Variants in DCDC1 observed in about 807,000 individuals in gnomAD.
DCDC1 encodes doublecortin domain containing 1, also known as doublecortin domain-containing protein 1.
DCDC1 carries 200 observed loss-of-function variants against 178.3 expected under a neutral mutation model. The observed-to-expected ratio is 1.12, with a 90% CI of 1.00 to 1.26. DCDC1 has a LOEUF of 1.26. Among genes scored for constraint, DCDC1 ranks in the 50% most tolerant of loss-of-function variants. The probability of loss-of-function intolerance (pLI) is 0.00; values close to 1 mark genes in which losing one functional copy is unlikely to be tolerated. For missense variants in DCDC1, 1,983 were observed against 1,749.2 expected (o/e 1.13, Z -2.38); for synonymous variants, 690 against 604.8 (o/e 1.14, Z -2.07).
At chr11:31,220,340 A>G (rs1020034947) in intron 9 of DCDC1, among the ~76,000 whole-genome samples, 13 of 152,334 alleles carry the variant, frequency 8.5e-5, no homozygotes, top group Admixed American at 3.3e-4. Flanking sequence ...TTTGATACTT[A>G]ATACTAAATG....
At chr11:31,321,680 C>T (rs1381070132) in intron 3 of DCDC1, among the ~76,000 whole-genome samples, 1 of 152,058 alleles carries the variant, frequency 6.6e-6, no homozygotes, top group East Asian at 1.9e-4. Flanking sequence ...GGCTCCTCCC[C>T]GCCCTGCATA....
intron 17 of DCDC1, among the ~76,000 whole-genome samples, chr11:31,083,798 G>C (rs1460598983): frequency 1.3e-5 from 2 of 152,080 alleles, no homozygotes; most frequent in African/African-American, 2.4e-5. Flanking sequence ...CTTCCTCTGT[G>C]CGTGCATGTG....
chr11:31,205,123 A>G (rs929273358), intron 9 of DCDC1, among the ~76,000 whole-genome samples: 1 of 152,204 alleles, frequency 6.6e-6, no homozygotes, highest in Non-Finnish European at 1.5e-5. Context: ...CTGGGTAACA[A>G]TATATAAGAT....
rs561351333 is a variant in DCDC1, at chr11:31,266,467, A to T, written c.961-867T>A. On this transcript the variant is annotated intron_variant, in intron 7 of 38. Coordinates refer to ENST00000684477, the MANE Select transcript of DCDC1 (RefSeq NM_001387274.1). ...AGGCAGGTTGTTAATAGGTTTTCAGAAGTAACTTCCAAAACATGAAATTCA... is the reference window on the plus strand; with the variant it reads ...AGGCAGGTTGTTAATAGGTTTTCAGTAGTAACTTCCAAAACATGAAATTCA... Among the ~76,000 whole-genome samples, 26 of 152,314 alleles carry T rather than the reference A, an allele frequency of 1.7e-4. No individual in the cohort carries two copies. The South Asian group carries it at 4.3e-3, about 25-fold the overall frequency.
chr11:31,161,689 C>G (rs998490413), intron 9 of DCDC1, among the ~76,000 whole-genome samples: 2 of 152,162 alleles, frequency 1.3e-5, no homozygotes, highest in Admixed American at 6.5e-5. Flanking sequence ...CACTGGATTG[C>G]TTCTTTGACT....
intron 22 of DCDC1, among the ~76,000 whole-genome samples, chr11:30,927,519 C>T (rs762106468): frequency 2.0e-5 from 3 of 152,186 alleles, no homozygotes; most frequent in South Asian, 4.1e-4. Flanking sequence ...GGAAAACAAG[C>T]CTTGGAGAAG....
chr11:31,291,540 G>A (rs1591659117), intron 6 of DCDC1, among the ~76,000 whole-genome samples: 1 of 151,946 alleles, frequency 6.6e-6, no homozygotes, highest in Non-Finnish European at 1.5e-5. Flanking sequence ...GTATGACTTC[G>A]AAAATGTAAG....
At chr11:30,883,884 A>G (rs1942921063) in intron 36 of DCDC1, among the ~76,000 whole-genome samples, 1 of 152,108 alleles carries the variant, frequency 6.6e-6, no homozygotes, top group Admixed American at 6.6e-5. Context: ...TTAAGCACTA[A>G]GACTATCAGA....
chr11:31,340,129 G>A (rs567413582), intron 1 of DCDC1, among the ~76,000 whole-genome samples: 26 of 152,126 alleles, frequency 1.7e-4, no homozygotes, highest in African/African-American at 6.3e-4. Context: ...CAGAGGTCTG[G>A]TTTCCTTTAC....
At chr11:31,177,058 T>C (rs1222302232) in intron 9 of DCDC1, among the ~76,000 whole-genome samples, 1 of 152,014 alleles carries the variant, frequency 6.6e-6, no homozygotes, top group Non-Finnish European at 1.5e-5. Context: ...AGCATGAAGG[T>C]TTAAAGTCAA....
In DCDC1 at chr11:30,899,630, G is replaced by T; in HGVS notation, c.4676C>A (p.Ala1559Glu). Residue 1559 changes from alanine (A) to glutamate (E), a missense_variant, in exon 34 of 39, where the codon GCA becomes GAA. Transcript: ENST00000684477. Reference protein sequence around the residue: ...PFLPPNALQKAEKLEKQNWLK... With the variant: ...PFLPPNALQKEEKLEKQNWLK... ...CCAGTTCTGTTTCTCTAATTTTTCT[G>T]CTTTCTGCAAAGCTAGAATAATAAA... The T allele has an allele frequency of 6.4e-7, 1 of 1,558,232 alleles. No individual in the cohort carries two copies. Among genetic ancestry groups the T allele is most frequent in the Admixed American group, 1.9e-5 (1 of 52,196 alleles).
chr11:31,355,325 G>A (rs961653090), intron 1 of DCDC1, among the ~76,000 whole-genome samples: 1 of 152,102 alleles, frequency 6.6e-6, no homozygotes, highest in Admixed American at 6.5e-5. Flanking sequence ...TGACTACGCT[G>A]GAAAGAGGCC....
chr11:30,888,060 A>AAGAAAGAGAGAG (rs756638479), intron 36 of DCDC1, among the ~76,000 whole-genome samples: 1 of 73,456 alleles, frequency 1.4e-5, no homozygotes, highest in African/African-American at 6.8e-5. Context: ...GAAAGAAAGA[A>AAGAAAGAGAGAG]AGAGAGAGAG....
intron 9 of DCDC1, among the ~76,000 whole-genome samples, chr11:31,233,087 C>CAA (rs145908518): frequency 1.1e-4 from 13 of 122,774 alleles, no homozygotes; most frequent in African/African-American, 3.4e-4. Flanking sequence ...GACTTCATCT[C>CAA]AAAAAAAAAA....
rs936537219 is a variant in DCDC1 at position 30,864,423 on chromosome 11, A to G, written c.*950T>C. The G allele has an allele frequency of 6.6e-6, 1 of 152,254 alleles. No homozygotes were observed. 9.4% of individuals were successfully genotyped at this position (152,254 alleles called of 1,614,324 possible). On this transcript the variant is annotated 3_prime_UTR_variant, in exon 39 of 39. Transcript: ENST00000684477. ...TTTCGAGAAGTGTTTCTTTCCTCTG[A>G]AAAGCAGAGAGGACTATCCCAGTAT...
At chr11:31,086,072 G>A (rs1315835537) in intron 17 of DCDC1, among the ~76,000 whole-genome samples, 10 of 152,000 alleles carry the variant, frequency 6.6e-5, no homozygotes, top group Non-Finnish European at 1.2e-4. Context: ...TACATTCTTC[G>A]TATGAATGTA....
rs59618526 is a variant in DCDC1, at chr11:30,888,060, AAGAGAG to A, written c.5082+4752_5082+4757del. ...AAAGAAAGAAAGAAAGAAAGAAAGA[AAGAGAG>A]AGAGAGAGAGAGAGAGAGAAAGAAA... is the stretch of plus-strand genomic sequence containing the variant. On this transcript the variant is annotated intron_variant, in intron 36 of 38. Coordinates refer to ENST00000684477, the MANE Select transcript of DCDC1 (RefSeq NM_001387274.1). Among the ~76,000 whole-genome samples, 380 of 73,442 alleles carry A rather than the reference AAGAGAG, an allele frequency of 5.2e-3. 6 individuals are homozygous for A. Among genetic ancestry groups the A allele is most frequent in the Non-Finnish European group, 6.8e-3 (262 of 38,656 alleles). The allele number at this position is 73,442 out of a possible 152,430, so 48.2% of individuals were successfully genotyped here.
chr11:30,941,878 T>C (rs1257756323), intron 21 of DCDC1, among the ~76,000 whole-genome samples: 1 of 152,206 alleles, frequency 6.6e-6, no homozygotes, highest in East Asian at 1.9e-4. Flanking sequence ...AATAAGTGTT[T>C]AAAAATCAGA....
chr11:31,108,302 T>C (rs184804133), intron 12 of DCDC1, among the ~76,000 whole-genome samples: 52 of 152,308 alleles, frequency 3.4e-4, no homozygotes, highest in Admixed American at 7.9e-4. Context: ...ATTACTCTCC[T>C]CTTTAGGTGT....
Sources: allele counts gnomAD v4.1 joint callset (sites outside exome capture counted in the v4.1 genomes callset), GRCh38; gene constraint gnomAD v4.1.1; transcripts MANE v1.5; gene names NCBI Gene and HGNC (gene_info 2026-07-23, HGNC 2026-07-21).